Variants in DENND1B observed in about 807,000 individuals in gnomAD.
DENND1B encodes the protein DENN domain containing 1B, also known as DENN domain-containing protein 1B.
DENND1B carries 59 observed loss-of-function variants against 90.1 expected under a neutral mutation model. The ratio of observed to expected loss-of-function variants is 0.65; its 90% CI spans 0.53 to 0.81. DENND1B has a LOEUF of 0.81. Among genes scored for constraint, DENND1B ranks in the 40% least tolerant of loss-of-function variants. DENND1B has a pLI of 0.00. For synonymous variants in DENND1B, 337 were observed against 324.6 expected (o/e 1.04, Z -0.41); for missense variants, 862 against 912.6 (o/e 0.94, Z 0.71).
intron 11 of DENND1B, 144 bp downstream of exon 11, chr1:197,617,515 A>G: frequency 1.6e-6 from 1 of 609,740 alleles, no homozygotes; most frequent in Non-Finnish European, 2.9e-6. Context: ...TCTGTCCTTC[A>G]TAAAAGCCAT....
chr1:197,568,134 T>C (rs575095260), intron 15 of DENND1B, among the ~76,000 whole-genome samples: 1 of 152,082 alleles, frequency 6.6e-6, no homozygotes, highest in African/African-American at 2.4e-5. Flanking sequence ...AAAAAAACTG[T>C]TGGAACTAAT....
rs185996925 is a variant in DENND1B, at chr1:197,684,587, A to G, written c.127-10418T>C. Among the ~76,000 whole-genome samples the G allele has an allele frequency of 6.6e-5, 10 of 152,266 alleles. No homozygotes were observed. In the East Asian group the frequency reaches 1.7e-3, roughly 26 times the overall value. ...TGAAAGAATGGTAGGAGATGAGACA[A>G]TATGTCATAACAAATGTGAGTCTTA... On this transcript the variant is annotated intron_variant, in intron 3 of 22. Transcript: ENST00000620048.
chr1:197,608,391 G>A (rs534243335), intron 12 of DENND1B, among the ~76,000 whole-genome samples: 7 of 150,582 alleles, frequency 4.6e-5, no homozygotes, highest in East Asian at 3.9e-4. Context: ...TATTAGCAGC[G>A]AATCACTTAT....
rs776368089 is a variant in DENND1B, at chr1:197,553,072, C to T, written c.1190G>A (p.Gly397Asp). ...GRLAKLNAGRGFSDVFEEEIT... is the reference protein window; with the variant it reads ...GRLAKLNAGRDFSDVFEEEIT... The stretch of plus-strand genomic sequence containing the variant: ...CTCTTCTTCAAATACATCAGAGAAA[C>T]CCCTTCCTGCATTTAGTTTTGCCAG... Residue 397 changes from glycine (G) to aspartate (D), a missense_variant, in exon 16 of 23, where the codon GGT becomes GAT. Coordinates refer to ENST00000620048, the MANE Select transcript of DENND1B (RefSeq NM_001195215.2). 6.5e-7 allele frequency: 1 copy of T among 1,550,202 alleles called. No individual in the cohort carries two copies. Among genetic ancestry groups the T allele is most frequent in the Non-Finnish European group, 8.7e-7 (1 of 1,155,292 alleles).
chr1:197,772,498 G>A (rs1398604336), intron 2 of DENND1B, among the ~76,000 whole-genome samples: 1 of 152,124 alleles, frequency 6.6e-6, no homozygotes, highest in African/African-American at 2.4e-5. Flanking sequence ...ATTAACACTT[G>A]CTTTGACAGA....
At chr1:197,680,768 C>T (rs1656602419) in intron 3 of DENND1B, among the ~76,000 whole-genome samples, 1 of 152,114 alleles carries the variant, frequency 6.6e-6, no homozygotes, top group Admixed American at 6.6e-5. Flanking sequence ...AAGTGTATGA[C>T]GTACTTAACT....
intron 20 of DENND1B, among the ~76,000 whole-genome samples, chr1:197,519,097 T>C (rs1431346460): frequency 2.0e-5 from 3 of 151,958 alleles, no homozygotes; most frequent in Non-Finnish European, 4.4e-5. Context: ...ATTATTACAT[T>C]GTGGATATTA....
chr1:197,751,794 A>C (rs1264374740), intron 2 of DENND1B, among the ~76,000 whole-genome samples: 1 of 148,226 alleles, frequency 6.7e-6, no homozygotes, highest in Non-Finnish European at 1.5e-5. Context: ...CAGTGAGCCA[A>C]GATCGTGCCA....
intron 14 of DENND1B, among the ~76,000 whole-genome samples, chr1:197,589,867 A>G (rs7518607): frequency 0.024 from 3,723 of 152,290 alleles, 153 homozygotes; most frequent in African/African-American, 0.084. Flanking sequence ...ATTAAAGGGA[A>G]TAAACTTGAG....
chr1:197,678,846 G>A (rs1176356243), intron 3 of DENND1B, among the ~76,000 whole-genome samples: 1 of 152,096 alleles, frequency 6.6e-6, no homozygotes, highest in Non-Finnish European at 1.5e-5. Flanking sequence ...CTTCATCCAT[G>A]TCCCTTGGAG....
intron 2 of DENND1B, among the ~76,000 whole-genome samples, chr1:197,723,512 G>T (rs532185863): frequency 6.6e-6 from 1 of 152,002 alleles, no homozygotes; most frequent in South Asian, 2.1e-4. Context: ...TTAATCTATC[G>T]CAAGGAACTT....
At chr1:197,517,904 TC>T (rs1668511490) in intron 20 of DENND1B, among the ~76,000 whole-genome samples, 2 of 145,366 alleles carry the variant, frequency 1.4e-5, no homozygotes, top group South Asian at 2.3e-4. Context: ...TCCTGGCTCT[TC>T]CCCCCAGCCT....
intron 2 of DENND1B, among the ~76,000 whole-genome samples, chr1:197,748,455 A>T (rs1250807822): frequency 6.6e-6 from 1 of 152,314 alleles, no homozygotes; most frequent in South Asian, 2.1e-4. Flanking sequence ...GAGAATTAAG[A>T]TTGCAGATGC....
At chr1:197,682,143 C>T (rs1056892985) in intron 3 of DENND1B, among the ~76,000 whole-genome samples, 1 of 151,816 alleles carries the variant, frequency 6.6e-6, no homozygotes, top group African/African-American at 2.4e-5. Context: ...AGGGACCCTA[C>T]ATTTTAAAGT....
chr1:197,722,373 C>T (rs976930066), intron 2 of DENND1B, among the ~76,000 whole-genome samples: 3 of 152,010 alleles, frequency 2.0e-5, no homozygotes, highest in Non-Finnish European at 4.4e-5. Flanking sequence ...GGTATCCTTG[C>T]TTCTTATATA....
intron 20 of DENND1B, among the ~76,000 whole-genome samples, chr1:197,521,881 A>G (rs1260855871): frequency 6.6e-6 from 1 of 152,062 alleles, no homozygotes; most frequent in Non-Finnish European, 1.5e-5. Context: ...TCTATTTTAC[A>G]TATTAGGAAA....
At chr1:197,681,819 T>C (rs1235626883) in intron 3 of DENND1B, among the ~76,000 whole-genome samples, 1 of 152,184 alleles carries the variant, frequency 6.6e-6, no homozygotes, top group Non-Finnish European at 1.5e-5. Context: ...GTTCATACTA[T>C]CTTTCTGTCA....
At chr1:197,713,946 T>A (rs1240942431) in intron 3 of DENND1B, among the ~76,000 whole-genome samples, 2 of 138,628 alleles carry the variant, frequency 1.4e-5, no homozygotes, top group African/African-American at 5.4e-5. Context: ...ATTATATACA[T>A]ATACACCAAT....
chr1:197,633,323 CA>C (rs1417080531), intron 10 of DENND1B, among the ~76,000 whole-genome samples: 1 of 152,102 alleles, frequency 6.6e-6, no homozygotes, highest in Admixed American at 6.6e-5. Flanking sequence ...TGGACTGTAC[CA>C]ATTATCAACT....
Sources: allele counts gnomAD v4.1 joint callset (sites outside exome capture counted in the v4.1 genomes callset), GRCh38; gene constraint gnomAD v4.1.1; transcripts MANE v1.5; gene names NCBI Gene and HGNC (gene_info 2026-07-23, HGNC 2026-07-21).